PLXNA4: variants seen among roughly 807,000 people sequenced by gnomAD.
The protein encoded by PLXNA4 is plexin-A4.
A neutral mutation model predicts 191.8 loss-of-function variants in PLXNA4; 44 were observed. That is an observed-to-expected ratio of 0.23 (90% CI 0.18 to 0.29). The LOEUF (loss-of-function observed/expected upper bound fraction) is 0.29. Ranked by LOEUF, PLXNA4 falls within the 10% of genes least tolerant of loss-of-function variation. PLXNA4 has a pLI of 1.00. For synonymous variants in PLXNA4, 1,082 were observed against 1,009.5 expected, an observed-to-expected ratio of 1.07 and a Z score of -1.36; for missense variants, 1,800 against 2,488.8, an observed-to-expected ratio of 0.72 and a Z score of 5.89.
At chr7:132,271,009 G>C (rs1034806523) in intron 4 of PLXNA4, 7 of 152,206 alleles carry the variant, frequency 4.6e-5, no homozygotes, top group Middle Eastern at 3.4e-3. Context: ...GTTATGTGAG[G>C]CCATATGACT....
rs756936895 is a variant in PLXNA4 at position 132,228,389 on chromosome 7, G to A, written c.1685C>T (p.Thr562Met). Reference protein sequence around the residue: ...ASEMKQCVRLTVHPNNISVSQ... With the variant: ...ASEMKQCVRLMVHPNNISVSQ... Reference sequence around the variant, plus strand: ...GACGGAGATATTGTTGGGATGGACCGTCAGCCGGACACACTGCTTCATCTC... The same window carrying A: ...GACGGAGATATTGTTGGGATGGACCATCAGCCGGACACACTGCTTCATCTC... The change falls in exon 6 of 32, where the codon ACG becomes ATG. Residue 562 changes from threonine (T) to methionine (M), a missense_variant. Physicochemically the swap from Thr to Met is moderately conservative, Grantham distance 81. This residue lies in a region of PLXNA4 where 1,397 missense variants were observed against 1,880.4 expected (regional missense o/e 0.74). Coordinates refer to ENST00000321063, the MANE Select transcript of PLXNA4 (RefSeq NM_020911.2). The A allele has an allele frequency of 1.6e-5, 26 of 1,614,012 alleles. No individual in the cohort carries two copies. Among genetic ancestry groups the A allele is most frequent in the East Asian group, 8.9e-5 (4 of 44,870 alleles).
intron 2 of PLXNA4, among the ~76,000 whole-genome samples, chr7:132,594,357 C>T (rs1050672511): frequency 1.3e-5 from 2 of 152,168 alleles, no homozygotes; most frequent in African/African-American, 2.4e-5. Context: ...TCCCCTGGTG[C>T]CTTCAGTGGG....
intron 2 of PLXNA4, 36 bp from the exon 3 acceptor site, chr7:132,489,510 C>A: frequency 1.3e-6 from 2 of 1,485,600 alleles, no homozygotes; most frequent in South Asian, 1.3e-5. Context: ...TAGAAGGGAG[C>A]GTCAAGGAAA....
At chr7:132,408,751 C>T (rs1414850417) in intron 3 of PLXNA4, among the ~76,000 whole-genome samples, 1 of 152,184 alleles carries the variant, frequency 6.6e-6, no homozygotes. Context: ...CAAGCATGAG[C>T]CACTGCACCT....
At chr7:132,365,360 T>TGTGTGTGTGCGCGCGCGTGCGTGC in intron 3 of PLXNA4, among the ~76,000 whole-genome samples, 2 of 128,742 alleles carry the variant, frequency 1.6e-5, no homozygotes, top group Non-Finnish European at 3.4e-5. Flanking sequence ...TGTGTGTGTG[T>TGTGTGTGTGCGCGCGCGTGCGTGC]GCGTGCGCGC....
chr7:132,449,744 G>A (rs1215949535), intron 3 of PLXNA4, among the ~76,000 whole-genome samples: 1 of 152,224 alleles, frequency 6.6e-6, no homozygotes, highest in African/African-American at 2.4e-5. Flanking sequence ...GCCCAGGTTT[G>A]CTGGGCTGGG....
chr7:132,289,960 A>G (rs1432306352), intron 4 of PLXNA4, among the ~76,000 whole-genome samples: 1 of 152,070 alleles, frequency 6.6e-6, no homozygotes, highest in Non-Finnish European at 1.5e-5. Flanking sequence ...TCGCCACTTC[A>G]CTACTGGTTT....
At chr7:132,632,771 C>T (rs1475066315) in intron 2 of PLXNA4, among the ~76,000 whole-genome samples, 2 of 152,130 alleles carry the variant, frequency 1.3e-5, no homozygotes, top group Non-Finnish European at 2.9e-5. Context: ...AGGATAAAAG[C>T]AGAAACTTAA....
intron 3 of PLXNA4, among the ~76,000 whole-genome samples, chr7:132,305,043 C>A (rs1307813627): frequency 6.6e-6 from 1 of 152,168 alleles, no homozygotes; most frequent in East Asian, 1.9e-4. Context: ...ACCCCTGGTA[C>A]CCCTGCTCGT....
chr7:132,450,048 C>T (rs954404578), intron 3 of PLXNA4, among the ~76,000 whole-genome samples: 1 of 152,152 alleles, frequency 6.6e-6, no homozygotes, highest in Non-Finnish European at 1.5e-5. Flanking sequence ...TTTCATTTCT[C>T]GAGTCCCCTC....
intron 1 of PLXNA4, among the ~76,000 whole-genome samples, chr7:132,513,391 T>C (rs1798809013): frequency 6.6e-6 from 1 of 152,226 alleles, no homozygotes; most frequent in Non-Finnish European, 1.5e-5. Context: ...AAGTATGCCT[T>C]CTTTAAAGAT....
At chr7:132,456,157 G>A (rs994421351) in intron 3 of PLXNA4, among the ~76,000 whole-genome samples, 5 of 147,940 alleles carry the variant, frequency 3.4e-5, no homozygotes, top group Admixed American at 2.0e-4. Flanking sequence ...CTGTCACCCA[G>A]GTTGGAGTGC....
chr7:132,550,624 C>A (rs1585318741), intron 1 of PLXNA4, among the ~76,000 whole-genome samples: 1 of 152,204 alleles, frequency 6.6e-6, no homozygotes, highest in East Asian at 1.9e-4. Flanking sequence ...ATTTGCAAGG[C>A]ACCAAGGTCT....
At chr7:132,293,723 T>A (rs1487965260) in intron 4 of PLXNA4, among the ~76,000 whole-genome samples, 1 of 152,188 alleles carries the variant, frequency 6.6e-6, no homozygotes, top group Non-Finnish European at 1.5e-5. Flanking sequence ...GTGATCCCTG[T>A]TAGAAAATGT....
At chr7:132,269,345 T>A (rs1292227600) in intron 4 of PLXNA4, among the ~76,000 whole-genome samples, 7 of 152,062 alleles carry the variant, frequency 4.6e-5, no homozygotes, top group African/African-American at 1.7e-4. Context: ...CAGAAAGAGG[T>A]CCTATAGACC....
intron 3 of PLXNA4, among the ~76,000 whole-genome samples, chr7:132,348,992 C>T (rs943078404): frequency 2.2e-4 from 33 of 152,276 alleles, no homozygotes; most frequent in African/African-American, 7.7e-4. Flanking sequence ...GGCGCCCCTC[C>T]GTGTTCCCCT....
Position 132,593,589 on chromosome 7 carries a change from G to A in PLXNA4, c.-87+52339C>T, listed in dbSNP as rs76989102. Among the ~76,000 whole-genome samples the A allele has an allele frequency of 2.3e-3, 356 of 152,334 alleles. 2 individuals carry two copies. Among genetic ancestry groups the A allele is most frequent in the African/African-American group, 8.2e-3 (343 of 41,588 alleles). On this transcript the variant is annotated intron_variant, in intron 2 of 4. Transcript: ENST00000378539. Reference sequence around the variant, plus strand: ...AGGCCACCCTACAGGACAGGTGGGTGCAGGCGTGGCTGCAGCACTGGGGCC... The same window carrying A: ...AGGCCACCCTACAGGACAGGTGGGTACAGGCGTGGCTGCAGCACTGGGGCC...
intron 22 of PLXNA4, 79 bp from the exon 23 acceptor site, chr7:132,165,279 G>A (rs1232833626): frequency 1.9e-6 from 3 of 1,543,922 alleles, no homozygotes; most frequent in African/African-American, 1.4e-5. Flanking sequence ...GCTGGGAAGG[G>A]CAAGGGAGGA....
At chr7:132,442,685 C>T (rs1216440474) in intron 3 of PLXNA4, among the ~76,000 whole-genome samples, 2 of 152,216 alleles carry the variant, frequency 1.3e-5, no homozygotes, top group Admixed American at 6.5e-5. Flanking sequence ...GGGCTAAGCA[C>T]GAGATGTGGA....
Sources: allele counts gnomAD v4.1 joint callset (sites outside exome capture counted in the v4.1 genomes callset), GRCh38; gene constraint gnomAD v4.1.1; regional missense constraint gnomAD v4.1.1; transcripts MANE v1.5; gene names NCBI Gene and HGNC (gene_info 2026-07-23, HGNC 2026-07-21).